Variants in ZFPM2 observed in about 807,000 individuals in gnomAD.
The protein encoded by ZFPM2 is zinc finger protein ZFPM2.
A neutral mutation model predicts 98.6 loss-of-function variants in ZFPM2; 20 were observed. That is an observed-to-expected ratio of 0.20 (90% confidence interval 0.14 to 0.29). The LOEUF (loss-of-function observed/expected upper bound fraction) is 0.29, where lower values mean the gene tolerates loss of function less well. ZFPM2 is among the 10% of genes least tolerant of loss of function. The probability of loss-of-function intolerance (pLI) is 1.00; values close to 1 mark genes in which losing one functional copy is unlikely to be tolerated. For missense variants in ZFPM2, 1,310 were observed against 1,388.6 expected, an observed-to-expected ratio of 0.94 and a Z score of 0.90; for synonymous variants, 518 against 502.7, an observed-to-expected ratio of 1.03 and a Z score of -0.41.
chr8:105,327,566 T>C (rs1427168377), intron 1 of ZFPM2, among the ~76,000 whole-genome samples: 6 of 151,616 alleles, frequency 4.0e-5, no homozygotes, highest in Admixed American at 2.0e-4. Context: ...TCTTATTCTA[T>C]ACAGAAAAAA....
chr8:105,471,757 C>T (rs1215657536), intron 3 of ZFPM2, among the ~76,000 whole-genome samples: 1 of 152,142 alleles, frequency 6.6e-6, no homozygotes, highest in Non-Finnish European at 1.5e-5. Context: ...CAGCTATTCT[C>T]CATTTATTGC....
At chr8:105,351,354 C>CGT (rs139105567) in intron 1 of ZFPM2, among the ~76,000 whole-genome samples, 31,836 of 144,410 alleles carry the variant, frequency 0.22, 4,087 homozygotes, top group East Asian at 0.48. Context: ...TGCATTATTT[C>CGT]GTGTGTGTGT....
intron 3 of ZFPM2, among the ~76,000 whole-genome samples, chr8:105,547,369 C>G (rs1357625333): frequency 6.6e-6 from 1 of 151,322 alleles, no homozygotes; most frequent in South Asian, 2.1e-4. Flanking sequence ...ATGGTGAAAC[C>G]CTGTCTCTAC....
chr8:105,379,365 A>G (rs893627991), intron 1 of ZFPM2, among the ~76,000 whole-genome samples: 1 of 152,242 alleles, frequency 6.6e-6, no homozygotes, highest in African/African-American at 2.4e-5. Flanking sequence ...TAGAATTTTT[A>G]TCCTCTTGAG....
intron 5 of ZFPM2, among the ~76,000 whole-genome samples, chr8:105,780,036 A>G (rs1813204736): frequency 6.6e-6 from 1 of 152,224 alleles, no homozygotes; most frequent in African/African-American, 2.4e-5. Flanking sequence ...CATAAACATT[A>G]CTTAGAACAG....
intron 3 of ZFPM2, among the ~76,000 whole-genome samples, chr8:105,532,721 T>C (rs1814322704): frequency 6.6e-6 from 1 of 151,892 alleles, no homozygotes; most frequent in Non-Finnish European, 1.5e-5. Context: ...ATGTAGATCT[T>C]GTTACTTGAT....
intron 3 of ZFPM2, among the ~76,000 whole-genome samples, chr8:105,484,009 C>T (rs1266172811): frequency 6.6e-6 from 1 of 152,066 alleles, no homozygotes; most frequent in Non-Finnish European, 1.5e-5. Flanking sequence ...GCTGGGATTA[C>T]AGGTGTGAGC....
At chr8:105,342,416 G>A (rs935064033) in intron 1 of ZFPM2, among the ~76,000 whole-genome samples, 1 of 152,018 alleles carries the variant, frequency 6.6e-6, no homozygotes, top group African/African-American at 2.4e-5. Context: ...CTTGATGGAA[G>A]GGCACAACTG....
At chr8:105,454,054 T>A (rs1812538698) in intron 3 of ZFPM2, among the ~76,000 whole-genome samples, 1 of 152,144 alleles carries the variant, frequency 6.6e-6, no homozygotes, top group Admixed American at 6.5e-5. Flanking sequence ...CAAACTTCCC[T>A]ACTTATCTCA....
At chr8:105,647,984 A>C in intron 5 of ZFPM2, among the ~76,000 whole-genome samples, 1 of 152,208 alleles carries the variant, frequency 6.6e-6, no homozygotes. Flanking sequence ...ACCAGTTTAG[A>C]GTCCCACCAA....
chr8:105,544,064 A>C lies in ZFPM2; in HGVS notation c.302-17299A>C, dbSNP rs78089840. On this transcript the variant is annotated intron_variant, in intron 3 of 7. Transcript: ENST00000407775. ...CTTTTGATATCAGTTTGTTGATACT[A>C]TACACACTATTTCCATATTGAGTTA... Among the ~76,000 whole-genome samples, 1,075 of 152,280 alleles carry C rather than the reference A, an allele frequency of 7.1e-3. 11 individuals carry two copies. The highest frequency in any genetic ancestry group is 0.024 in the African/African-American group (991 of 41,562).
At chr8:105,590,508 T>G (rs969078826) in intron 4 of ZFPM2, among the ~76,000 whole-genome samples, 10 of 152,202 alleles carry the variant, frequency 6.6e-5, no homozygotes, top group African/African-American at 2.4e-4. Context: ...GATGCTGCTT[T>G]GGTTTACTTC....
intron 3 of ZFPM2, among the ~76,000 whole-genome samples, chr8:105,501,666 G>A (rs1276559093): frequency 2.7e-5 from 4 of 150,186 alleles, no homozygotes; most frequent in African/African-American, 9.8e-5. Flanking sequence ...ACCACTCCTG[G>A]CTAATTTTTG....
At chr8:105,436,953 G>A (rs972556064) in intron 2 of ZFPM2, among the ~76,000 whole-genome samples, 1 of 152,130 alleles carries the variant, frequency 6.6e-6, no homozygotes, top group Non-Finnish European at 1.5e-5. Flanking sequence ...TCATATAGCA[G>A]ATATTGAAAT....
chr8:105,680,068 A>G (rs1810566871), intron 5 of ZFPM2, among the ~76,000 whole-genome samples: 1 of 152,092 alleles, frequency 6.6e-6, no homozygotes, highest in Admixed American at 6.5e-5. Flanking sequence ...TCCCTCTATT[A>G]TTTGAGTCAA....
intron 4 of ZFPM2, among the ~76,000 whole-genome samples, chr8:105,563,564 G>A (rs1815183901): frequency 6.6e-6 from 1 of 152,048 alleles, no homozygotes; most frequent in Admixed American, 6.6e-5. Flanking sequence ...ACAAAATGCA[G>A]GCCTCAGTTG....
intron 3 of ZFPM2, among the ~76,000 whole-genome samples, chr8:105,542,842 T>C (rs1335741200): frequency 1.3e-5 from 2 of 152,190 alleles, no homozygotes; most frequent in African/African-American, 2.4e-5. Flanking sequence ...ACAACCAAGA[T>C]AGTGACATTT....
At chr8:105,741,453 T>G (rs1586232461) in intron 5 of ZFPM2, among the ~76,000 whole-genome samples, 1 of 152,202 alleles carries the variant, frequency 6.6e-6, no homozygotes, top group Non-Finnish European at 1.5e-5. Context: ...CTGTTGGAGA[T>G]GACCCAGTTG....
intron 5 of ZFPM2, among the ~76,000 whole-genome samples, chr8:105,645,387 T>A (rs1398656141): frequency 6.6e-6 from 1 of 152,246 alleles, no homozygotes; most frequent in African/African-American, 2.4e-5. Flanking sequence ...CATTCTTTTA[T>A]CTCTGAAGAT....
Sources: allele counts gnomAD v4.1 joint callset (sites outside exome capture counted in the v4.1 genomes callset), GRCh38; gene constraint gnomAD v4.1.1; transcripts MANE v1.5; gene names NCBI Gene and HGNC (gene_info 2026-07-23, HGNC 2026-07-21).